The following PDGFD variants were observed in gnomAD, a reference collection of about 807,000 sequenced individuals.
The protein encoded by PDGFD is platelet derived growth factor D, also known as platelet-derived growth factor D.
In PDGFD, 30 loss-of-function variants were observed where a neutral mutation model predicts 44.7. The observed-to-expected ratio is 0.67, with a 90% confidence interval of 0.50 to 0.91. The LOEUF is 0.91. Among genes scored for constraint, PDGFD ranks in the 40% least tolerant of loss-of-function variants. The pLI, the probability that PDGFD is intolerant of heterozygous loss-of-function variation, is 0.00. For missense variants in PDGFD, 445 were observed against 457.8 expected, an observed-to-expected ratio of 0.97 and a Z score of 0.25; for synonymous variants, 173 against 168.4, an observed-to-expected ratio of 1.03 and a Z score of -0.21.
chr11:103,916,282 T>C (rs535171555), intron 6 of PDGFD, among the ~76,000 whole-genome samples: 1 of 152,082 alleles, frequency 6.6e-6, no homozygotes, highest in Non-Finnish European at 1.5e-5. Flanking sequence ...GCAAAGGATA[T>C]GAGCAGACAC....
At chr11:103,962,002 T>A (rs923169858) in intron 3 of PDGFD, among the ~76,000 whole-genome samples, 1 of 152,166 alleles carries the variant, frequency 6.6e-6, no homozygotes, top group African/African-American at 2.4e-5. Flanking sequence ...CATTTTTTTA[T>A]AATCTGGAAT....
chr11:104,060,602 C>T (rs1353326284), intron 1 of PDGFD, among the ~76,000 whole-genome samples: 1 of 152,118 alleles, frequency 6.6e-6, no homozygotes, highest in Non-Finnish European at 1.5e-5. Flanking sequence ...CATTAGGAGA[C>T]ATTCCTGTGT....
chr11:104,118,351 C>T (rs1350500000), intron 1 of PDGFD, among the ~76,000 whole-genome samples: 2 of 151,830 alleles, frequency 1.3e-5, no homozygotes, highest in Non-Finnish European at 2.9e-5. Flanking sequence ...AGAAGATGGC[C>T]ATCTACAAAC....
intron 2 of PDGFD, 85 bp from the exon 3 acceptor site, chr11:103,996,330 T>C (rs1399511666): frequency 8.6e-6 from 10 of 1,167,806 alleles, no homozygotes; most frequent in African/African-American, 1.6e-5. Context: ...AAAACTAGCA[T>C]ATATGATTTG....
Position 103,996,007 on chromosome 11 carries a change from T to C in PDGFD, c.510+58A>G. 4.8e-6 allele frequency: 7 copies of C among 1,451,712 alleles called. No homozygotes were observed. In the South Asian group the frequency reaches 7.7e-5, roughly 16 times the overall value. 89.9% of individuals were successfully genotyped at this position (1,451,712 alleles called of 1,614,324 possible). On this transcript the variant is annotated intron_variant, in intron 3 of 6. Transcript: ENST00000393158. ...ACTGAATTTGATCATAGAAAATTGA[T>C]CTCTACACTTCATGAAACCAGTGTC...
chr11:104,021,781 A>G (rs1281456033), intron 1 of PDGFD, among the ~76,000 whole-genome samples: 1 of 152,164 alleles, frequency 6.6e-6, no homozygotes, highest in Non-Finnish European at 1.5e-5. Context: ...CTGATAGCTA[A>G]CCAATTCACA....
chr11:104,039,276 AT>A (rs747431950), intron 1 of PDGFD: 92 of 160,702 alleles, frequency 5.7e-4, no homozygotes, highest in African/African-American at 5.9e-4. Flanking sequence ...TCACCTAATA[AT>A]TTTTTTTTTC....
chr11:104,009,311 G>C (rs577794315), intron 1 of PDGFD, among the ~76,000 whole-genome samples: 1 of 152,072 alleles, frequency 6.6e-6, no homozygotes, highest in African/African-American at 2.4e-5. Flanking sequence ...GATTTATTAA[G>C]CAATATACAA....
rs186871742 is a variant in PDGFD at position 103,983,817 on chromosome 11, C to T, written c.510+12248G>A. Reference sequence around the variant, plus strand: ...GTGGCCGACAATCACATGAAAAAACCGATCATTAGAGAGATGCAAATTAAA... The same window carrying T: ...GTGGCCGACAATCACATGAAAAAACTGATCATTAGAGAGATGCAAATTAAA... On this transcript the variant is annotated intron_variant, in intron 3 of 6. Transcript: ENST00000393158. 5.9e-4 allele frequency among the ~76,000 whole-genome samples: 88 copies of T among 148,830 alleles called. 1 individual carries two copies. The highest frequency in any genetic ancestry group is 3.5e-3 in the Admixed American group (52 of 14,988).
intron 1 of PDGFD, among the ~76,000 whole-genome samples, chr11:104,068,023 C>T (rs538191466): frequency 2.0e-5 from 3 of 152,302 alleles, no homozygotes; most frequent in Non-Finnish European, 4.4e-5. Context: ...TTATCACACA[C>T]TTGAAATGTT....
chr11:104,131,972 AAAAACAAAAC>A (rs141551447), intron 1 of PDGFD, among the ~76,000 whole-genome samples: 5,351 of 151,452 alleles, frequency 0.035, 316 homozygotes, highest in African/African-American at 0.12. Context: ...AGATCTGTTA[AAAAACAAAAC>A]AAAACAAAAC....
At chr11:103,919,859 GA>G (rs11452262) in intron 6 of PDGFD, among the ~76,000 whole-genome samples, 17 of 148,852 alleles carry the variant, frequency 1.1e-4, no homozygotes, top group Non-Finnish European at 6.0e-5. Context: ...GTTTCTCAAG[GA>G]AAAAAAAAAG....
chr11:104,024,101 T>C (rs1860003945), intron 1 of PDGFD, among the ~76,000 whole-genome samples: 1 of 152,174 alleles, frequency 6.6e-6, no homozygotes, highest in African/African-American at 2.4e-5. Context: ...GAAGAGGTGC[T>C]TTCCTTTGGG....
At position 103,977,910 on chromosome 11, in the gene PDGFD, G is replaced by C. The variant is rs183679825; in HGVS notation, c.510+18155C>G. Among the ~76,000 whole-genome samples, 504 of 152,088 alleles carry C rather than the reference G, an allele frequency of 3.3e-3. 4 individuals are homozygous for C. The highest frequency in any genetic ancestry group is 6.8e-3 in the Middle Eastern group (2 of 294). On this transcript the variant is annotated intron_variant, in intron 3 of 6. Transcript: ENST00000393158. ...TGTCATACAAACTGAAATGTGGTGA[G>C]GAACCAGTAAAGTAGAGATTATAGA...
intron 1 of PDGFD, among the ~76,000 whole-genome samples, chr11:104,142,154 C>T (rs1862094588): frequency 2.0e-5 from 3 of 152,142 alleles, no homozygotes; most frequent in Admixed American, 2.0e-4. Context: ...AAACAATACA[C>T]CTGAACATAT....
chr11:104,053,859 G>T (rs1165086419), intron 1 of PDGFD, among the ~76,000 whole-genome samples: 1 of 152,156 alleles, frequency 6.6e-6, no homozygotes, highest in Non-Finnish European at 1.5e-5. Flanking sequence ...CGAATTTCAG[G>T]CCAGTGTTGG....
chr11:103,917,097 CACA>C (rs1858139377), intron 6 of PDGFD, among the ~76,000 whole-genome samples: 1 of 150,806 alleles, frequency 6.6e-6, no homozygotes, highest in Admixed American at 6.6e-5. Flanking sequence ...AAAAAAAACA[CACA>C]ACATGTTGCC....
chr11:104,008,392 G>T (rs750993550), intron 1 of PDGFD, among the ~76,000 whole-genome samples: 8 of 151,996 alleles, frequency 5.3e-5, no homozygotes, highest in Non-Finnish European at 1.0e-4. Context: ...ATTAGCATTA[G>T]ATATAATAGA....
At chr11:103,946,707 T>A (rs1436726719) in intron 4 of PDGFD, among the ~76,000 whole-genome samples, 1 of 152,248 alleles carries the variant, frequency 6.6e-6, no homozygotes, top group Non-Finnish European at 1.5e-5. Flanking sequence ...GTTCAGAGCA[T>A]GTATTCTGGA....
Sources: allele counts gnomAD v4.1 joint callset (sites outside exome capture counted in the v4.1 genomes callset), GRCh38; gene constraint gnomAD v4.1.1; transcripts MANE v1.5; gene names NCBI Gene and HGNC (gene_info 2026-07-23, HGNC 2026-07-21).